PMS1: variants seen among roughly 807,000 people sequenced by gnomAD.
The protein encoded by PMS1 is PMS1 protein homolog 1.
A neutral mutation model predicts 93.1 loss-of-function variants in PMS1; 79 were observed. That is an observed-to-expected ratio of 0.85 (90% CI 0.71 to 1.02). PMS1 has a LOEUF of 1.02. Among genes scored for constraint, PMS1 ranks in the 50% least tolerant of loss-of-function variants. The probability of loss-of-function intolerance (pLI) is 0.00; values close to 1 mark genes in which losing one functional copy is unlikely to be tolerated. For synonymous variants in PMS1, 335 were observed against 363.4 expected (o/e 0.92, Z 0.89); for missense variants, 1,064 against 1,085.3 (o/e 0.98, Z 0.28).
intron 5 of PMS1, among the ~76,000 whole-genome samples, chr2:189,842,163 C>T (rs879767557): frequency 4.3e-4 from 66 of 151,962 alleles, no homozygotes; most frequent in Middle Eastern, 3.4e-3. Flanking sequence ...TCTTGATTGC[C>T]GTTTAGCCAG....
At chr2:189,841,863 C>G (rs1411022896) in intron 5 of PMS1, among the ~76,000 whole-genome samples, 1 of 151,998 alleles carries the variant, frequency 6.6e-6, no homozygotes, top group African/African-American at 2.4e-5. Flanking sequence ...ATTTAAATCA[C>G]TGTTATTTTG....
At chr2:189,807,354 T>C (rs2050432331) in intron 4 of PMS1, among the ~76,000 whole-genome samples, 1 of 152,108 alleles carries the variant, frequency 6.6e-6, no homozygotes, top group Non-Finnish European at 1.5e-5. Flanking sequence ...AATAATAGAT[T>C]ATAATTCTTT....
chr2:189,856,626 G>A (rs1004318201), intron 9 of PMS1, among the ~76,000 whole-genome samples: 1 of 152,066 alleles, frequency 6.6e-6, no homozygotes, highest in Non-Finnish European at 1.5e-5. Context: ...TTTAAATACA[G>A]TAAGCCCACA....
chr2:189,865,902 T>C (rs944598006), intron 10 of PMS1, among the ~76,000 whole-genome samples: 1 of 152,158 alleles, frequency 6.6e-6, no homozygotes, highest in African/African-American at 2.4e-5. Context: ...AAATCATTTA[T>C]AAAATGTGTT....
chr2:189,792,688 A>AATATATATATAT lies in PMS1; in HGVS notation c.132+768_132+779dup, dbSNP rs3067428. Among the ~76,000 whole-genome samples, 838 of 127,138 alleles carry AATATATATATAT rather than the reference A, an allele frequency of 6.6e-3. 7 individuals carry two copies. Among genetic ancestry groups the AATATATATATAT allele is most frequent in the African/African-American group, 0.013 (456 of 34,258 alleles). 83.4% of individuals were successfully genotyped at this position (127,138 alleles called of 152,430 possible). A position where few individuals can be genotyped will look rare whatever the true frequency, so the allele number is the denominator to read the frequency against. On this transcript the variant is annotated intron_variant, in intron 2 of 12. Coordinates refer to ENST00000441310, the MANE Select transcript of PMS1 (RefSeq NM_000534.5). The stretch of plus-strand genomic sequence containing the variant: ...AAACATGTATATATATATGGACACA[A>AATATATATATAT]ATATATATATATATATATATATATA...
intron 5 of PMS1, among the ~76,000 whole-genome samples, chr2:189,819,257 A>T (rs2051606037): frequency 6.6e-6 from 1 of 152,200 alleles, no homozygotes; most frequent in Non-Finnish European, 1.5e-5. Context: ...CACTGTGTAT[A>T]CATACACATT....
rs2106233047 is a variant in PMS1 at position 189,795,802 on chromosome 2, G to C, written c.166G>C (p.Asp56His). ...NYGFDKIEVR[D>H]NGEGIKAVDA... The stretch of plus-strand genomic sequence containing the variant: ...TGGATTTGATAAAATTGAGGTGCGA[G>C]ATAACGGGGAGGGTATCAAGGCTGT... The change falls in exon 3 of 13, where the codon GAT becomes CAT. Residue 56 changes from aspartate to histidine, a missense_variant. Transcript: ENST00000441310. 1 of 1,613,898 alleles carries C rather than the reference G, an allele frequency of 6.2e-7. No homozygotes were observed. The highest frequency in any genetic ancestry group is 2.2e-5 in the East Asian group (1 of 44,868).
chr2:189,868,148 A>T (rs561416874), intron 11 of PMS1, among the ~76,000 whole-genome samples: 1 of 152,342 alleles, frequency 6.6e-6, no homozygotes, highest in African/African-American at 2.4e-5. Context: ...TTGCATTTTC[A>T]TAACTAATCA....
chr2:189,853,827 T>A, intron 7 of PMS1, 112 bp from the exon 8 acceptor site: 1 of 688,246 alleles, frequency 1.5e-6, no homozygotes, highest in Non-Finnish European at 2.4e-6. Flanking sequence ...ATGATAATGC[T>A]TTTCCTAATA....
intron 5 of PMS1, among the ~76,000 whole-genome samples, chr2:189,830,081 A>AT (rs1346326672): frequency 6.6e-6 from 1 of 151,886 alleles, no homozygotes; most frequent in Non-Finnish European, 1.5e-5. Context: ...GGGTCAGTAT[A>AT]TTTTTTTCTG....
intron 5 of PMS1, among the ~76,000 whole-genome samples, chr2:189,840,752 A>G (rs542793500): frequency 6.6e-5 from 10 of 152,362 alleles, no homozygotes; most frequent in East Asian, 3.9e-4. Flanking sequence ...CTATATTCTC[A>G]AAAATATTCA....
intron 5 of PMS1, among the ~76,000 whole-genome samples, chr2:189,819,903 C>G (rs192549172): frequency 2.0e-5 from 3 of 152,212 alleles, no homozygotes; most frequent in Non-Finnish European, 4.4e-5. Flanking sequence ...TTTTTCAAAG[C>G]GCCGATAAGA....
chr2:189,842,466 A>G (rs766299764), intron 5 of PMS1, among the ~76,000 whole-genome samples: 5 of 152,152 alleles, frequency 3.3e-5, no homozygotes, highest in Non-Finnish European at 7.3e-5. Context: ...ACCTTGTTGA[A>G]CTGAAGAAAT....
chr2:189,784,758 G>C (rs1220665541), intron 1 of PMS1, 165 bp downstream of exon 1: 1 of 152,814 alleles, frequency 6.5e-6, no homozygotes, highest in Non-Finnish European at 1.5e-5. Context: ...CGTGGAACGC[G>C]TTTTCTGAGC....
intron 6 of PMS1, among the ~76,000 whole-genome samples, chr2:189,845,208 G>T (rs1472992663): frequency 6.6e-6 from 1 of 152,030 alleles, no homozygotes; most frequent in Non-Finnish European, 1.5e-5. Flanking sequence ...TTTGTCTGAA[G>T]ATTGATTCTA....
intron 4 of PMS1, among the ~76,000 whole-genome samples, chr2:189,813,014 T>C (rs538827251): frequency 2.4e-4 from 36 of 152,366 alleles, no homozygotes; most frequent in African/African-American, 7.9e-4. Context: ...AGGATTAATA[T>C]GTTATTTACA....
At chr2:189,854,167 CTTTT>C in intron 8 of PMS1, 68 bp from the exon 9 acceptor site, 1 of 1,384,408 alleles carries the variant, frequency 7.2e-7, no homozygotes, top group Non-Finnish European at 9.9e-7. Context: ...TTATATTTAT[CTTTT>C]TTATTATTTA....
intron 4 of PMS1, among the ~76,000 whole-genome samples, chr2:189,812,542 G>C (rs1166343167): frequency 1.3e-5 from 2 of 152,116 alleles, no homozygotes. Context: ...GGAAAGACGA[G>C]TATTTTAAAA....
chr2:189,803,948 G>A (rs1222352220), intron 3 of PMS1, among the ~76,000 whole-genome samples: 2 of 151,982 alleles, frequency 1.3e-5, no homozygotes, highest in African/African-American at 4.8e-5. Flanking sequence ...TTGCTTTTTA[G>A]CACTTCAGTT....
Sources: allele counts gnomAD v4.1 joint callset (sites outside exome capture counted in the v4.1 genomes callset), GRCh38; gene constraint gnomAD v4.1.1; transcripts MANE v1.5; gene names NCBI Gene and HGNC (gene_info 2026-07-23, HGNC 2026-07-21).